Variants in MAPK10 observed in about 807,000 individuals in gnomAD.
MAPK10 encodes mitogen-activated protein kinase 10, also known as JNK3 alpha protein kinase.
MAPK10 carries 25 observed loss-of-function variants against 59.3 expected under a neutral mutation model. The ratio of observed to expected loss-of-function variants is 0.42; its 90% CI spans 0.31 to 0.59. The LOEUF (loss-of-function observed/expected upper bound fraction) is 0.59. Ranked by LOEUF, MAPK10 falls within the 20% of genes least tolerant of loss-of-function variation. MAPK10 has a pLI of 0.15. For synonymous variants in MAPK10, 190 were observed against 200.5 expected, an observed-to-expected ratio of 0.95 and a Z score of 0.44; for missense variants, 351 against 568.9, an observed-to-expected ratio of 0.62 and a Z score of 3.90.
chr4:86,539,145 T>C (rs1410462840), intron 1 of MAPK10, among the ~76,000 whole-genome samples: 1 of 152,052 alleles, frequency 6.6e-6, no homozygotes, highest in Non-Finnish European at 1.5e-5. Flanking sequence ...TTAGAAATAA[T>C]GAGCTCAGCC....
chr4:86,330,201 T>A (rs114577974), intron 2 of MAPK10, among the ~76,000 whole-genome samples: 1,870 of 152,316 alleles, frequency 0.012, 38 homozygotes, highest in African/African-American at 0.042. Context: ...TTTTCAGTTT[T>A]TTTGTGTGTG....
At chr4:86,034,533 A>G (rs1368397872) in intron 11 of MAPK10, among the ~76,000 whole-genome samples, 2 of 152,234 alleles carry the variant, frequency 1.3e-5, no homozygotes, top group East Asian at 3.8e-4. Context: ...TCTTTATTAA[A>G]TGTATTCATT....
intron 1 of MAPK10, among the ~76,000 whole-genome samples, chr4:86,357,384 C>T (rs1195215942): frequency 1.3e-5 from 2 of 151,986 alleles, no homozygotes; most frequent in Admixed American, 1.3e-4. Flanking sequence ...TACATGAAAC[C>T]ACAATAAAAC....
intron 2 of MAPK10, among the ~76,000 whole-genome samples, chr4:86,302,652 C>T (rs2095492202): frequency 6.6e-6 from 1 of 152,076 alleles, no homozygotes; most frequent in South Asian, 2.1e-4. Context: ...TCACTCTTCG[C>T]TTCAGAAAAA....
chr4:86,361,355 A>T (rs771671563), upstream of MAPK10, among the ~76,000 whole-genome samples: 4 of 152,164 alleles, frequency 2.6e-5, no homozygotes, highest in Admixed American at 6.5e-5. Flanking sequence ...ACAAGAATCA[A>T]TCAAGACTAT....
chr4:86,582,734 T>C (rs944092161), intron 1 of MAPK10, among the ~76,000 whole-genome samples: 2 of 152,220 alleles, frequency 1.3e-5, no homozygotes, highest in Non-Finnish European at 2.9e-5. Context: ...CAAAGACTGG[T>C]AATTTGATAG....
chr4:86,544,292 G>C (rs1758968487), intron 1 of MAPK10, among the ~76,000 whole-genome samples: 1 of 152,116 alleles, frequency 6.6e-6, no homozygotes, highest in Non-Finnish European at 1.5e-5. Context: ...AAGGATAAAA[G>C]TCCCTCAAAT....
chr4:86,505,903 G>A (rs927418461), intron 1 of MAPK10, among the ~76,000 whole-genome samples: 1 of 152,062 alleles, frequency 6.6e-6, no homozygotes, highest in Admixed American at 6.6e-5. Flanking sequence ...AAGTGTATAT[G>A]CTCTGTCCTC....
intron 4 of MAPK10, among the ~76,000 whole-genome samples, chr4:86,109,582 T>G (rs184704749): frequency 1.1e-3 from 173 of 152,360 alleles, no homozygotes; most frequent in African/African-American, 4.0e-3. Context: ...TTTTTATGAC[T>G]GCATAGTATT....
rs1389586400 is a variant in MAPK10 at position 86,138,715 on chromosome 4, G to A, written c.236+20583C>T. ...ATTAGGCAGGAGAAGGAAATAAACG[G>A]TATTCAATTAGGAACAGAGGAAGTC... On this transcript the variant is annotated intron_variant, in intron 4 of 13. Transcript: ENST00000641462. Among the ~76,000 whole-genome samples, 29 of 151,574 alleles carry A rather than the reference G, an allele frequency of 1.9e-4. 1 individual carries two copies. Among genetic ancestry groups the A allele is most frequent in the Admixed American group, 1.8e-3 (27 of 15,206 alleles).
At chr4:86,196,619 C>T (rs1170279370) in intron 2 of MAPK10, among the ~76,000 whole-genome samples, 4 of 152,108 alleles carry the variant, frequency 2.6e-5, no homozygotes, top group Non-Finnish European at 4.4e-5. Flanking sequence ...GTGTTTTAGT[C>T]ATGAAGTCTT....
At chr4:86,116,170 G>T (rs1282442318) in intron 4 of MAPK10, among the ~76,000 whole-genome samples, 1 of 152,138 alleles carries the variant, frequency 6.6e-6, no homozygotes, top group Non-Finnish European at 1.5e-5. Context: ...GGCATATAAG[G>T]GAGTTGGAGA....
intron 1 of MAPK10, among the ~76,000 whole-genome samples, chr4:86,421,061 G>A (rs1479058537): frequency 6.6e-6 from 1 of 151,854 alleles, no homozygotes; most frequent in African/African-American, 2.4e-5. Context: ...CAGCCTGGGT[G>A]ACATAGTGAG....
intron 2 of MAPK10, among the ~76,000 whole-genome samples, chr4:86,207,153 T>C (rs1470925481): frequency 6.6e-6 from 1 of 151,220 alleles, no homozygotes; most frequent in African/African-American, 2.4e-5. Context: ...ATGCCTAGGT[T>C]TTCTTCTAGG....
At chr4:86,296,073 G>A (rs764053938) in intron 2 of MAPK10, among the ~76,000 whole-genome samples, 47 of 151,442 alleles carry the variant, frequency 3.1e-4, no homozygotes, top group Non-Finnish European at 5.6e-4. Context: ...CTACTCGGGA[G>A]GCTGAGGCAG....
intron 4 of MAPK10, chr4:86,152,420 CA>C (rs2066703973): frequency 1.3e-5 from 2 of 152,120 alleles, no homozygotes; most frequent in Non-Finnish European, 2.9e-5. Flanking sequence ...TGCAATGGCT[CA>C]ATGCTGGATT....
At chr4:86,556,634 A>C (rs1291440837) in intron 1 of MAPK10, among the ~76,000 whole-genome samples, 12 of 152,156 alleles carry the variant, frequency 7.9e-5, no homozygotes, top group East Asian at 5.8e-4. Flanking sequence ...ATACCAGAGA[A>C]AAGAGAAATA....
chr4:86,559,006 T>C (rs1444575136), intron 1 of MAPK10, among the ~76,000 whole-genome samples: 3 of 152,190 alleles, frequency 2.0e-5, no homozygotes, highest in Non-Finnish European at 2.9e-5. Flanking sequence ...CTTTGTGAAC[T>C]GAAGACCTGC....
At chr4:86,320,282 G>C (rs1355170927) in intron 2 of MAPK10, among the ~76,000 whole-genome samples, 1 of 152,114 alleles carries the variant, frequency 6.6e-6, no homozygotes, top group African/African-American at 2.4e-5. Flanking sequence ...TGAGATCAAA[G>C]AGATAAGGTT....
Sources: allele counts gnomAD v4.1 joint callset (sites outside exome capture counted in the v4.1 genomes callset), GRCh38; gene constraint gnomAD v4.1.1; transcripts MANE v1.5; gene names NCBI Gene and HGNC (gene_info 2026-07-23, HGNC 2026-07-21).